Variants in TMEM268 observed in about 807,000 individuals in gnomAD.
TMEM268 encodes transmembrane protein C9orf91.
In TMEM268, 24 loss-of-function variants were observed where a neutral mutation model predicts 39.1. That is an observed-to-expected ratio of 0.61 (90% CI 0.44 to 0.86). The LOEUF (loss-of-function observed/expected upper bound fraction) is 0.86. Among genes scored for constraint, TMEM268 ranks in the 40% least tolerant of loss-of-function variants. TMEM268 has a pLI of 0.00. For synonymous variants in TMEM268, 176 were observed against 173.5 expected, an observed-to-expected ratio of 1.01 and a Z score of -0.12; for missense variants, 409 against 428.6, an observed-to-expected ratio of 0.95 and a Z score of 0.40.
chr9:114,628,294 G>A lies in TMEM268; in HGVS notation c.474+44G>A, dbSNP rs760336432. On this transcript the variant is annotated intron_variant, in intron 5 of 8. Coordinates refer to ENST00000288502, the MANE Select transcript of TMEM268 (RefSeq NM_153045.4). ...CCTGCCACACTCTCTCCAGAAGAGC[G>A]GTGCAGGCGTGAGAATCAGATTTTT... 23 of 1,589,448 alleles carry A rather than the reference G, an allele frequency of 1.4e-5. No homozygotes were observed. The South Asian group carries it at 2.0e-4, about 14-fold the overall frequency.
Position 114,638,486 on chromosome 9 carries a change from C to T in TMEM268, c.667-58C>T. 4.4e-6 allele frequency: 6 copies of T among 1,360,142 alleles called. No homozygotes were observed. In the South Asian group the frequency reaches 9.7e-5, roughly 22 times the overall value. 84.3% of individuals were successfully genotyped at this position (1,360,142 alleles called of 1,614,324 possible). On this transcript the variant is annotated intron_variant, in intron 7 of 8. Transcript: ENST00000288502. ...GTCTGCAGCTTGGGGAGGGACTCAG[C>T]CTCGCAGATACCACCTGATTTAGGC... is the stretch of plus-strand genomic sequence containing the variant.
At chr9:114,642,773 G>A (rs1046817845) in intron 8 of TMEM268, among the ~76,000 whole-genome samples, 5 of 152,120 alleles carry the variant, frequency 3.3e-5, no homozygotes, top group Non-Finnish European at 5.9e-5. Flanking sequence ...GAACAACCAT[G>A]CCTGGCCAGC....
rs549626969 is a variant in TMEM268, at chr9:114,632,624, C to T, written c.475-1144C>T. Among the ~76,000 whole-genome samples, 153 of 152,230 alleles carry T rather than the reference C, an allele frequency of 1.0e-3. 1 individual carries two copies. Among genetic ancestry groups the T allele is most frequent in the Non-Finnish European group, 2.0e-3 (134 of 68,016 alleles). On this transcript the variant is annotated intron_variant, in intron 5 of 8. Coordinates refer to ENST00000288502, the MANE Select transcript of TMEM268 (RefSeq NM_153045.4). ...CCCAGAGCCCCACCTGAGGGCCAGGCGCTGTGTTAGGTACTTTAAAGTAGG... is the reference window on the plus strand; with the variant it reads ...CCCAGAGCCCCACCTGAGGGCCAGGTGCTGTGTTAGGTACTTTAAAGTAGG...
intron 2 of TMEM268, 33 bp from the exon 3 acceptor site, chr9:114,624,313 ATCAC>A: frequency 1.3e-6 from 2 of 1,564,750 alleles, no homozygotes; most frequent in Non-Finnish European, 1.7e-6. Context: ...TGGTATGGTT[ATCAC>A]TCAGCCAGAT....
chr9:114,627,998 C>T, intron 4 of TMEM268, 103 bp from the exon 5 acceptor site: 1 of 1,278,134 alleles, frequency 7.8e-7, no homozygotes, highest in South Asian at 1.3e-5. Context: ...CTGTCTGAAT[C>T]CAAGGAGGGT....
At chr9:114,631,282 CAAAAAAA>C (rs3035421) in intron 5 of TMEM268, among the ~76,000 whole-genome samples, 12 of 130,180 alleles carry the variant, frequency 9.2e-5, no homozygotes, top group Non-Finnish European at 1.3e-4. Context: ...CAGCCTGCCT[CAAAAAAA>C]AAAAAAAAAA....
At chr9:114,605,664 T>C in the TMEM268 span, among the ~76,000 whole-genome samples, 3 of 152,146 alleles carry the variant, frequency 2.0e-5, no homozygotes, top group Admixed American at 2.0e-4. Context: ...CTGACACCTA[T>C]AATCCTAGCA....
upstream of TMEM268, among the ~76,000 whole-genome samples, chr9:114,610,131 C>T (rs1845441374): frequency 6.6e-6 from 1 of 152,022 alleles, no homozygotes; most frequent in Admixed American, 6.5e-5. Flanking sequence ...CCTCCACCTC[C>T]CGGGTTCAAG....
intron 8 of TMEM268, among the ~76,000 whole-genome samples, chr9:114,641,143 T>C (rs969090318): frequency 6.6e-6 from 1 of 152,172 alleles, no homozygotes; most frequent in African/African-American, 2.4e-5. Flanking sequence ...CCCAAAGTGC[T>C]AGGATTACAG....
At position 114,626,984 on chromosome 9, in the gene TMEM268, C is replaced by T; in HGVS notation, c.302C>T (p.Pro101Leu). 2 of 1,612,988 alleles carry T rather than the reference C, an allele frequency of 1.2e-6. No individual in the cohort carries two copies. The highest frequency in any genetic ancestry group is 1.1e-5 in the South Asian group (1 of 91,044). Reference protein sequence around the residue: ...VRRYIIYNSRPMRLAFAVVFY... With the variant: ...VRRYIIYNSRLMRLAFAVVFY... The stretch of plus-strand genomic sequence containing the variant: ...AGATATATCATCTACAACTCGAGGC[C>T]TATGCGGCTGGCCTTTGCTGTGGTA... The change falls in exon 4 of 9, where the codon CCT becomes CTT. Residue 101 changes from proline (P) to leucine (L), a missense_variant. Pro to Leu is a moderately conservative substitution (Grantham distance 98). Coordinates refer to ENST00000288502, the MANE Select transcript of TMEM268 (RefSeq NM_153045.4).
intron 1 of TMEM268, among the ~76,000 whole-genome samples, chr9:114,613,997 C>G (rs1845606759): frequency 6.6e-6 from 1 of 152,120 alleles, no homozygotes; most frequent in Non-Finnish European, 1.5e-5. Flanking sequence ...AGGGGCCTGT[C>G]TGGTGAGCCG....
intron 2 of TMEM268, 49 bp downstream of exon 2, chr9:114,617,350 A>C (rs759481659): frequency 9.2e-5 from 129 of 1,408,416 alleles, no homozygotes; most frequent in Non-Finnish European, 1.2e-4. Flanking sequence ...CTCATGCTGA[A>C]CTGGACTCAC....
At position 114,645,454 on chromosome 9, in the gene TMEM268, A is replaced by G. The variant is rs1827538429; in HGVS notation, c.*2141A>G. 1 of 152,384 alleles carries G rather than the reference A, an allele frequency of 6.6e-6. No individual in the cohort carries two copies. Among genetic ancestry groups the G allele is most frequent in the South Asian group, 2.1e-4 (1 of 4,834 alleles). 9.4% of individuals were successfully genotyped at this position (152,384 alleles called of 1,614,324 possible). ...TCTGACCATTCACTTTCTGTGTGCC[A>G]GAGAAGAGAGATCATGGGTATAGAC... On this transcript the variant is annotated 3_prime_UTR_variant, in exon 9 of 9. Coordinates refer to ENST00000288502, the MANE Select transcript of TMEM268 (RefSeq NM_153045.4).
At position 114,644,018 on chromosome 9, in the gene TMEM268, T is replaced by C. The variant is rs574968543; in HGVS notation, c.*705T>C. 6.6e-6 allele frequency: 1 copy of C among 152,312 alleles called. No homozygotes were observed. Among genetic ancestry groups the C allele is most frequent in the South Asian group, 2.1e-4 (1 of 4,818 alleles). The allele number at this position is 152,312 out of a possible 1,614,324, so 9.4% of individuals were successfully genotyped here. On this transcript the variant is annotated 3_prime_UTR_variant, in exon 9 of 9. Coordinates refer to ENST00000288502, the MANE Select transcript of TMEM268 (RefSeq NM_153045.4). ...ATTGATCCTGTTTGACTTGAGGACT[T>C]ATTTTGTTCACAGGCATGCACGCTT...
intron 5 of TMEM268, 122 bp downstream of exon 5, chr9:114,628,372 C>T (rs1169195345): frequency 2.6e-5 from 28 of 1,077,676 alleles, no homozygotes; most frequent in Middle Eastern, 3.1e-4. Flanking sequence ...CACACTAGCC[C>T]GTAAGCCCAG....
chr9:114,622,683 A>G lies in TMEM268; in HGVS notation c.107-1667A>G, dbSNP rs143599089. ...TTTTGAGGGAATAAACACGTATTTT[A>G]TGCTTTTGAAATGCGGAGTGTGTTG... is the stretch of plus-strand genomic sequence containing the variant. On this transcript the variant is annotated intron_variant, in intron 2 of 8. Transcript: ENST00000288502. 9.3e-4 allele frequency among the ~76,000 whole-genome samples: 142 copies of G among 152,274 alleles called. 1 individual carries two copies. The highest frequency in any genetic ancestry group is 2.1e-4 in the Non-Finnish European group (14 of 68,022).
intron 2 of TMEM268, chr9:114,622,102 G>C (rs1845969433): frequency 1.0e-6 from 1 of 985,298 alleles, no homozygotes; most frequent in African/African-American, 1.7e-5. Flanking sequence ...TTGCCTAGTT[G>C]GCAGGGCTTG....
At chr9:114,610,171 C>T (rs1346267049), upstream of TMEM268, among the ~76,000 whole-genome samples, 1 of 152,078 alleles carries the variant, frequency 6.6e-6, no homozygotes, top group Non-Finnish European at 1.5e-5. Context: ...TCCCGAGTAG[C>T]TGGGATTACA....
At position 114,617,210 on chromosome 9, in the gene TMEM268, A is replaced by G. The variant is rs543831980; in HGVS notation, c.15A>G (p.Pro5=). The change falls in exon 2 of 9, where the codon CCA becomes CCG. Residue 5 remains proline, a synonymous_variant. Transcript: ENST00000288502. MACE[P]QVDPGATGPL... Reference sequence around the variant, plus strand: ...GGCGCCCTGCCATGGCCTGTGAACCACAGGTGGACCCGGGGGCCACTGGCC... The same window carrying G: ...GGCGCCCTGCCATGGCCTGTGAACCGCAGGTGGACCCGGGGGCCACTGGCC... 73 of 1,607,900 alleles carry G rather than the reference A, an allele frequency of 4.5e-5. 2 individuals carry two copies. In the South Asian group the frequency reaches 7.7e-4, roughly 17 times the overall value.
Sources: allele counts gnomAD v4.1 joint callset (sites outside exome capture counted in the v4.1 genomes callset), GRCh38; gene constraint gnomAD v4.1.1; transcripts MANE v1.5; gene names NCBI Gene and HGNC (gene_info 2026-07-23, HGNC 2026-07-21).